MYOM2: variants seen among roughly 807,000 people sequenced by gnomAD.
MYOM2 encodes the protein myomesin 2.
In MYOM2, 254 loss-of-function variants were observed where a neutral mutation model predicts 187.6. That is an observed-to-expected ratio of 1.35 (90% CI 1.22 to 1.50). MYOM2 has a LOEUF of 1.50. Ranked by LOEUF, MYOM2 falls within the 40% of genes most tolerant of loss-of-function variation. MYOM2 has a pLI of 0.00. For missense variants in MYOM2, 2,796 were observed against 1,924.0 expected (o/e 1.45, Z -8.48); for synonymous variants, 981 against 753.8 (o/e 1.30, Z -4.94).
Position 2,078,862 on chromosome 8 carries a change from G to A in MYOM2, c.1391G>A (p.Gly464Asp). ...IFRVRAVNSA[G>D]ISRPSRVSDA... is the part of the protein sequence containing the mutation. ...CGAGTGAGGGCAGTGAACAGTGCGG[G>A]CATCAGCCGACCCTCCAGGGTCTCT... is the stretch of plus-strand genomic sequence containing the variant. The change falls in exon 12 of 37, where the codon GGC (glycine) becomes GAC (aspartate). Residue 464 changes from glycine (G) to aspartate (D), a missense_variant. Gly to Asp is a moderately conservative substitution (Grantham distance 94, BLOSUM62 -1). Coordinates refer to ENST00000262113, the MANE Select transcript of MYOM2 (RefSeq NM_003970.4). The A allele has an allele frequency of 6.2e-7, 1 of 1,614,048 alleles. No individual in the cohort carries two copies. The highest frequency in any genetic ancestry group is 8.5e-7 in the Non-Finnish European group (1 of 1,179,942).
chr8:2,079,438 A>G (rs1395226773), intron 12 of MYOM2, 122 bp from the exon 13 acceptor site: 3 of 909,492 alleles, frequency 3.3e-6, no homozygotes, highest in Non-Finnish European at 5.4e-6. Flanking sequence ...TGATGCCCCC[A>G]GAGGACTCAC....
At chr8:2,065,814 C>T (rs1052661205) in intron 6 of MYOM2, among the ~76,000 whole-genome samples, 20 of 152,126 alleles carry the variant, frequency 1.3e-4, no homozygotes, top group Non-Finnish European at 2.1e-4. Context: ...TAAGTGGCTG[C>T]GTAAGGTTCA....
chr8:2,089,884 C>A, intron 14 of MYOM2, 124 bp from the exon 15 acceptor site: 3 of 754,030 alleles, frequency 4.0e-6, no homozygotes, highest in Non-Finnish European at 6.2e-6. Context: ...CCTTTGTGTG[C>A]GAGACGCAGC....
intron 1 of MYOM2, among the ~76,000 whole-genome samples, 191 bp downstream of exon 1, chr8:2,045,359 G>T (rs1459691896): frequency 1.3e-5 from 2 of 152,290 alleles, no homozygotes; most frequent in South Asian, 2.1e-4. Context: ...CTTTGACGAG[G>T]TTTTATGCTC....
intron 15 of MYOM2, 61 bp downstream of exon 15, chr8:2,090,252 T>C (rs1402645225): frequency 1.3e-6 from 2 of 1,483,266 alleles, no homozygotes; most frequent in Non-Finnish European, 1.8e-6. Flanking sequence ...TGACACCAAA[T>C]AGCCTTAAAT....
chr8:2,057,195 T>C (rs557071525), intron 3 of MYOM2, among the ~76,000 whole-genome samples, 153 bp from the exon 4 acceptor site: 1 of 152,320 alleles, frequency 6.6e-6, no homozygotes, highest in East Asian at 1.9e-4. Flanking sequence ...GAAGATAGAT[T>C]CAAATGAGCA....
intron 11 of MYOM2, among the ~76,000 whole-genome samples, chr8:2,077,958 A>G (rs923639743): frequency 1.3e-5 from 2 of 152,186 alleles, no homozygotes; most frequent in African/African-American, 4.8e-5. Context: ...AGCTTTCATT[A>G]AAAGTGCTGG....
chr8:2,069,551 G>A, intron 8 of MYOM2, 54 bp downstream of exon 8: 2 of 1,593,442 alleles, frequency 1.3e-6, no homozygotes, highest in Non-Finnish European at 1.7e-6. Context: ...TGACATAGCA[G>A]ACAATTTGAA....
chr8:2,121,610 TG>T (rs1446150530), intron 28 of MYOM2, among the ~76,000 whole-genome samples: 1 of 152,196 alleles, frequency 6.6e-6, no homozygotes, highest in Non-Finnish European at 1.5e-5. Context: ...CATTTAATAA[TG>T]TGGTGCAGAT....
chr8:2,123,497 C>T (rs930333628), intron 29 of MYOM2, 58 bp from the exon 30 acceptor site: 34 of 1,517,386 alleles, frequency 2.2e-5, no homozygotes, highest in East Asian at 9.0e-5. Context: ...GAGTTTATTA[C>T]GTTTTCTAAG....
At chr8:2,089,179 G>A (rs190349601) in intron 14 of MYOM2, among the ~76,000 whole-genome samples, 48 of 43,212 alleles carry the variant, frequency 1.1e-3, no homozygotes, top group Non-Finnish European at 2.7e-3. Flanking sequence ...AACTACTTTC[G>A]AAAAAGGCGT....
intron 6 of MYOM2, among the ~76,000 whole-genome samples, chr8:2,061,723 A>G (rs533107432): frequency 1.3e-5 from 2 of 152,334 alleles, no homozygotes; most frequent in African/African-American, 4.8e-5. Flanking sequence ...GTTGAAAGGC[A>G]ATAATTGAGA....
At chr8:2,143,245 C>T (rs1798339980) in intron 35 of MYOM2, 156 bp from the exon 36 acceptor site, 1 of 839,612 alleles carries the variant, frequency 1.2e-6, no homozygotes, top group South Asian at 1.6e-5. Flanking sequence ...TATCCCTCAA[C>T]TGTAAACATA....
chr8:2,069,219 G>T lies in MYOM2; in HGVS notation c.654-59G>T, dbSNP rs988514791. On this transcript the variant is annotated intron_variant, in intron 6 of 36. Transcript: ENST00000262113. ...TTCGAGGAATGCTTTTGTGCAATTCGGGTCACTGACTTTTACACAACAGTC... is the reference window on the plus strand; with the variant it reads ...TTCGAGGAATGCTTTTGTGCAATTCTGGTCACTGACTTTTACACAACAGTC... 2.6e-6 allele frequency: 4 copies of T among 1,512,066 alleles called. No individual in the cohort carries two copies. The African/African-American group carries it at 4.1e-5, about 16-fold the overall frequency. The allele number at this position is 1,512,066 out of a possible 1,614,324, so 93.7% of individuals were successfully genotyped here.
intron 3 of MYOM2, among the ~76,000 whole-genome samples, 171 bp downstream of exon 3, chr8:2,052,484 T>C (rs1818525009): frequency 6.6e-6 from 1 of 152,196 alleles, no homozygotes; most frequent in Non-Finnish European, 1.5e-5. Context: ...CTGCTTCTCT[T>C]TACCATCATT....
intron 32 of MYOM2, among the ~76,000 whole-genome samples, chr8:2,137,564 T>TTTGTGTG (rs1798124367): frequency 6.7e-6 from 1 of 150,098 alleles, no homozygotes; most frequent in African/African-American, 2.5e-5. Context: ...CTGTGCCTGG[T>TTTGTGTG]TGTGTGTGTG....
chr8:2,141,764 G>A (rs868849208), intron 34 of MYOM2, among the ~76,000 whole-genome samples: 1 of 152,180 alleles, frequency 6.6e-6, no homozygotes, highest in African/African-American at 2.4e-5. Context: ...TTAAGCTGAT[G>A]TTTTTGGGCT....
chr8:2,089,787 G>C lies in MYOM2; in HGVS notation c.1645-221G>C, dbSNP rs1465437030. Reference sequence around the variant, plus strand: ...TACTTTAATGGAAAAAAATTTATTAGTAAACATGATCAACTTTGGGTATTT... The same window carrying C: ...TACTTTAATGGAAAAAAATTTATTACTAAACATGATCAACTTTGGGTATTT... On this transcript the variant is annotated intron_variant, in intron 14 of 36. Transcript: ENST00000262113. 3.3e-5 allele frequency among the ~76,000 whole-genome samples: 5 copies of C among 152,074 alleles called. No individual in the cohort carries two copies. The South Asian group carries it at 6.2e-4, about 19-fold the overall frequency.
chr8:2,095,262 A>G (rs1796438927), intron 17 of MYOM2, among the ~76,000 whole-genome samples: 3 of 151,004 alleles, frequency 2.0e-5, no homozygotes, highest in Admixed American at 2.0e-4. Context: ...TTTTCTTTTT[A>G]ATGTCATTCC....
Sources: gnomAD v4.1 joint callset for allele counts (sites outside exome capture counted in the v4.1 genomes callset) on GRCh38, gnomAD v4.1.1 for gene constraint, MANE v1.5 for transcripts, NCBI Gene and HGNC (gene_info 2026-07-23, HGNC 2026-07-21) for gene names.